Variants in STK36 observed in about 807,000 individuals in gnomAD.
STK36 encodes the protein serine/threonine kinase 36.
Under a neutral mutation model 142.2 loss-of-function variants are expected in STK36, and 116 were observed. The observed-to-expected ratio is 0.82, with a 90% CI of 0.70 to 0.95. STK36 has a LOEUF of 0.95. STK36 is among the 40% of genes least tolerant of loss of function. The pLI, the probability that STK36 is intolerant of heterozygous loss-of-function variation, is 0.00. For missense variants in STK36, 1,422 were observed against 1,617.2 expected (o/e 0.88, Z 2.07); for synonymous variants, 619 against 641.7 (o/e 0.96, Z 0.53).
intron 10 of STK36, 102 bp downstream of exon 10, chr2:218,680,804 C>G (rs1940483560): frequency 4.5e-6 from 4 of 897,900 alleles, no homozygotes; most frequent in Non-Finnish European, 3.4e-6. Context: ...TAAGTATGAG[C>G]TCCCTTTGTG....
chr2:218,698,457 A>T, intron 25 of STK36, 145 bp from the exon 26 acceptor site: 1 of 966,510 alleles, frequency 1.0e-6, no homozygotes, highest in South Asian at 1.6e-5. Context: ...GTTGTGTCTC[A>T]TGTGGAGTGC....
chr2:218,692,801 C>G (rs1941063396), intron 16 of STK36, 91 bp downstream of exon 16: 2 of 1,468,948 alleles, frequency 1.4e-6, no homozygotes, highest in Non-Finnish European at 1.8e-6. Flanking sequence ...GAAAAACAAG[C>G]TTTTAAGCCC....
intron 25 of STK36, 143 bp from the exon 26 acceptor site, chr2:218,698,459 G>A: frequency 2.1e-6 from 2 of 975,276 alleles, no homozygotes; most frequent in South Asian, 1.6e-5. Flanking sequence ...TGTGTCTCAT[G>A]TGGAGTGCTG....
intron 23 of STK36, 56 bp downstream of exon 23, chr2:218,697,269 GCAGCC>G: frequency 6.4e-7 from 1 of 1,568,558 alleles, no homozygotes; most frequent in Non-Finnish European, 8.6e-7. Flanking sequence ...TCAAGAGGAG[GCAGCC>G]CAGAACTGGG....
In STK36 at chr2:218,702,215, T is replaced by C. The variant is rs1176705590; in HGVS notation, c.*206T>C. The stretch of plus-strand genomic sequence containing the variant: ...GGATGTTTTCAACCAGTAAATTTTA[T>C]TGCTGTTGGTGCCAGAGAAGAGTCC... On this transcript the variant is annotated 3_prime_UTR_variant, in exon 27 of 27. Coordinates refer to ENST00000295709, the MANE Select transcript of STK36 (RefSeq NM_015690.5). 1 of 552,730 alleles carries C rather than the reference T, an allele frequency of 1.8e-6. No individual in the cohort carries two copies. The highest frequency in any genetic ancestry group is 3.6e-5 in the South Asian group (1 of 27,528). The allele number at this position is 552,730 out of a possible 1,614,324, so 34.2% of individuals were successfully genotyped here. A position where few individuals can be genotyped will look rare whatever the true frequency, so the allele number is the denominator to read the frequency against.
At chr2:218,677,361 A>G (rs903049217) in intron 6 of STK36, among the ~76,000 whole-genome samples, 6 of 152,170 alleles carry the variant, frequency 3.9e-5, no homozygotes, top group African/African-American at 1.2e-4. Context: ...ATTGGGTATT[A>G]CAATTCGACA....
intron 10 of STK36, among the ~76,000 whole-genome samples, chr2:218,682,780 A>T (rs1940584966): frequency 6.6e-6 from 1 of 151,802 alleles, no homozygotes; most frequent in Non-Finnish European, 1.5e-5. Flanking sequence ...TTTTTTAGAG[A>T]GAAGGTTTCG....
At position 218,701,862 on chromosome 2, in the gene STK36, A is replaced by G; in HGVS notation, c.3805-4A>G. The G allele has an allele frequency of 4.3e-6, 7 of 1,613,686 alleles. 1 individual carries two copies. In the South Asian group the frequency reaches 6.6e-5, roughly 15 times the overall value. ...TGTTCTATCATCTGTTCTCTATCCT[A>G]CAGGTACTGGTGTCCCTGGGTGCCA... On this transcript the variant is annotated splice_polypyrimidine_tract_variant and splice_region_variant and intron_variant, in intron 26 of 26. Coordinates refer to ENST00000295709, the MANE Select transcript of STK36 (RefSeq NM_015690.5).
intron 1 of STK36, 94 bp from the exon 2 acceptor site, chr2:218,672,647 T>C (rs1297648823): frequency 1.7e-6 from 1 of 579,942 alleles, no homozygotes; most frequent in South Asian, 2.0e-5. Flanking sequence ...CATCTTTGCA[T>C]GCATTCCACC....
Position 218,680,468 on chromosome 2 carries a change from G to T in STK36, c.1137-135G>T, listed in dbSNP as rs57995704. On this transcript the variant is annotated intron_variant, in intron 9 of 26. Transcript: ENST00000295709. ...TGTACTGGTCATATCCCACATCCCA[G>T]AAAGAAGTCTCCTCTAGTCAATCCT... The T allele has an allele frequency of 0.019, 13,077 of 678,528 alleles. 1,226 individuals carry two copies. The African/African-American group carries it at 0.21, about 11-fold the overall frequency. 42.0% of individuals were successfully genotyped at this position (678,528 alleles called of 1,614,324 possible).
chr2:218,693,146 G>T, intron 16 of STK36, 94 bp from the exon 17 acceptor site: 1 of 1,049,900 alleles, frequency 9.5e-7, no homozygotes, highest in Non-Finnish European at 1.4e-6. Context: ...GAGTGACTAG[G>T]AAGAGACTGA....
intron 4 of STK36, 37 bp from the exon 5 acceptor site, chr2:218,675,306 A>AC: frequency 6.3e-7 from 1 of 1,590,138 alleles, no homozygotes; most frequent in Non-Finnish European, 8.6e-7. Context: ...GCTGTTTCTA[A>AC]CCTTTTTTTT....
At chr2:218,681,418 T>A (rs1210879023) in intron 10 of STK36, among the ~76,000 whole-genome samples, 1 of 152,200 alleles carries the variant, frequency 6.6e-6, no homozygotes, top group Non-Finnish European at 1.5e-5. Flanking sequence ...TGAGCCACTG[T>A]GCCTGGTCTA....
intron 6 of STK36, 88 bp downstream of exon 6, chr2:218,676,366 C>A: frequency 6.6e-7 from 1 of 1,516,934 alleles, no homozygotes; most frequent in Admixed American, 2.0e-5. Flanking sequence ...TTTTCCAGAG[C>A]TGAGGCGGGA....
chr2:218,673,628 G>C lies in STK36; in HGVS notation c.88G>C (p.Val30Leu), dbSNP rs371037310. The C allele has an allele frequency of 3.7e-6, 6 of 1,613,396 alleles. No individual in the cohort carries two copies. The highest frequency in any genetic ancestry group is 5.1e-6 in the Non-Finnish European group (6 of 1,179,736). ...CTTTTCACCTTACCACTGACAGGTC[G>C]TGGCCCTGAAGTTCATCCCAAAATT... is the stretch of plus-strand genomic sequence containing the variant. ...KGRRKYSAQV[V>L]ALKFIPKLGR... Residue 30 changes from valine (V) to leucine (L), a missense_variant, in exon 3 of 27, where the codon GTG becomes CTG. This residue lies in a region of STK36 where 460 missense variants were observed against 449.6 expected (regional missense o/e 1.02). Transcript: ENST00000295709.
At chr2:218,698,482 TC>T (rs1483501102) in intron 25 of STK36, 119 bp from the exon 26 acceptor site, 12 of 1,291,850 alleles carry the variant, frequency 9.3e-6, no homozygotes, top group Non-Finnish European at 1.2e-5. Flanking sequence ...GGGCAGGACT[TC>T]CAGCTCTCTG....
intron 14 of STK36, 114 bp from the exon 15 acceptor site, chr2:218,692,027 CAT>C (rs1941019729): frequency 4.0e-6 from 5 of 1,263,706 alleles, no homozygotes; most frequent in South Asian, 1.6e-5. Context: ...TAAAATTAGA[CAT>C]GTGTTTGCTT....
At position 218,675,239 on chromosome 2, in the gene STK36, A is replaced by T. The variant is rs1475890648; in HGVS notation, c.304-104A>T. 2.4e-6 allele frequency: 3 copies of T among 1,258,316 alleles called. No homozygotes were observed. In the African/African-American group the frequency reaches 4.5e-5, roughly 19 times the overall value. The allele number at this position is 1,258,316 out of a possible 1,614,324, so 77.9% of individuals were successfully genotyped here. A position where few individuals can be genotyped will look rare whatever the true frequency, so the allele number is the denominator to read the frequency against. On this transcript the variant is annotated intron_variant, in intron 4 of 26. Coordinates refer to ENST00000295709, the MANE Select transcript of STK36 (RefSeq NM_015690.5). ...TAGTGTGAAGCTCTGCAAGAAAGGG[A>T]AGGAAGAAAAGATTAGCAGTAATAT...
chr2:218,675,617 C>T (rs774962698), intron 5 of STK36, 144 bp downstream of exon 5: 10 of 1,015,470 alleles, frequency 9.8e-6, no homozygotes, highest in South Asian at 8.6e-5. Context: ...CTCTGCCTCC[C>T]GGATTCAAGC....
Sources: gnomAD v4.1 joint callset for allele counts (sites outside exome capture counted in the v4.1 genomes callset) on GRCh38, gnomAD v4.1.1 for gene constraint, gnomAD v4.1.1 regional missense constraint, MANE v1.5 for transcripts, NCBI Gene and HGNC (gene_info 2026-07-23, HGNC 2026-07-21) for gene names.